The following VPS13C variants were observed in gnomAD, a reference collection of about 807,000 sequenced individuals.
The protein encoded by VPS13C is intermembrane lipid transfer protein VPS13C.
In VPS13C, 358 loss-of-function variants were observed where a neutral mutation model predicts 456.8. That is an observed-to-expected ratio of 0.78 (90% CI 0.72 to 0.86). VPS13C has a LOEUF of 0.86. Ranked by LOEUF, VPS13C falls within the 40% of genes least tolerant of loss-of-function variation. VPS13C has a pLI of 0.00. For synonymous variants in VPS13C, 1,578 were observed against 1,486.7 expected (o/e 1.06, Z -1.41); for missense variants, 4,818 against 4,385.4 (o/e 1.10, Z -2.79).
intron 47 of VPS13C, among the ~76,000 whole-genome samples, chr15:61,937,133 A>G (rs2044253142): frequency 1.3e-5 from 2 of 152,206 alleles, no homozygotes; most frequent in South Asian, 4.1e-4. Context: ...GAAACTAAAT[A>G]CAGGACGAGT....
chr15:61,978,502 CA>C (rs1340453147), intron 23 of VPS13C, 123 bp downstream of exon 23: 10 of 1,163,406 alleles, frequency 8.6e-6, no homozygotes, highest in Non-Finnish European at 1.2e-5. Context: ...TTTATTTAAG[CA>C]GCCAAAAGAA....
chr15:61,968,284 A>G (rs2045441148), intron 28 of VPS13C, among the ~76,000 whole-genome samples: 2 of 151,910 alleles, frequency 1.3e-5, no homozygotes, highest in African/African-American at 4.8e-5. Context: ...AAAAAAAATT[A>G]AAAACAATAA....
rs1445703810 is a variant in VPS13C at position 61,936,639 on chromosome 15, C to T, written c.5713G>A (p.Val1905Met). The change falls in exon 48 of 85, where the codon GTG (valine) becomes ATG (methionine). Residue 1905 changes from valine (V) to methionine (M), a missense_variant. Physicochemically the swap from Val to Met is conservative, Grantham distance 21. Transcript: ENST00000644861. ...PTQSVQETVR[V>M]RKVDVSSVPD... is the part of the protein sequence containing the mutation. ...ACACTTGAAACATCAACTTTTCTCA[C>T]TCTTACAGTCTCCTGCACAGACTGT... is the stretch of plus-strand genomic sequence containing the variant. The T allele has an allele frequency of 1.3e-6, 2 of 1,595,914 alleles. No homozygotes were observed. The highest frequency in any genetic ancestry group is 2.7e-5 in the African/African-American group (2 of 73,930).
chr15:61,979,990 C>T (rs1376439187), intron 22 of VPS13C, among the ~76,000 whole-genome samples: 1 of 151,578 alleles, frequency 6.6e-6, no homozygotes, highest in Non-Finnish European at 1.5e-5. Flanking sequence ...TCGAGACCAG[C>T]CAGGCCAACA....
intron 43 of VPS13C, among the ~76,000 whole-genome samples, chr15:61,946,663 A>C (rs1596367128): frequency 6.7e-6 from 1 of 150,288 alleles, no homozygotes; most frequent in East Asian, 1.9e-4. Context: ...AAAAAAACCC[A>C]CCAAGTTTCA....
Position 62,010,474 on chromosome 15 carries a change from G to A in VPS13C, c.1009C>T (p.Gln337Ter), listed in dbSNP as rs760175192. Residue 337 changes from glutamine to a stop codon, truncating the protein, a stop_gained and splice_region_variant, in exon 13 of 85, where the codon CAG becomes TAG. Coordinates refer to ENST00000644861, the MANE Select transcript of VPS13C (RefSeq NM_020821.3). LOFTEE classifies it high-confidence loss of function. ...GGAAATATCCACATGAATCATACCT[G>A]AGGTTTGGTCAGTTCAATGGCAATA... ...QNIAIELTKPQYLSMIDLLES... is the reference protein window; with the variant it reads ...QNIAIELTKP The A allele has an allele frequency of 6.2e-7, 1 of 1,601,972 alleles. No individual in the cohort carries two copies. Among genetic ancestry groups the A allele is most frequent in the East Asian group, 2.3e-5 (1 of 44,236 alleles).
chr15:62,044,954 C>T lies in VPS13C; in HGVS notation c.101-699G>A, dbSNP rs140945258. ...CTATAGTTTCAACATTAAATGCAGG[C>T]GTAAATTACTGTAATATATTTTCTT... On this transcript the variant is annotated intron_variant, in intron 1 of 84. Coordinates refer to ENST00000644861, the MANE Select transcript of VPS13C (RefSeq NM_020821.3). Among the ~76,000 whole-genome samples, 417 of 152,094 alleles carry T rather than the reference C, an allele frequency of 2.7e-3. 3 individuals are homozygous for T. The highest frequency in any genetic ancestry group is 3.6e-3 in the Non-Finnish European group (243 of 67,938).
intron 9 of VPS13C, among the ~76,000 whole-genome samples, chr15:62,016,505 A>C (rs887737611): frequency 4.2e-5 from 6 of 143,080 alleles, no homozygotes; most frequent in Non-Finnish European, 7.5e-5. Flanking sequence ...CCCACCTATG[A>C]GTGAGAACAT....
chr15:61,920,397 C>T, intron 56 of VPS13C, 66 bp from the exon 57 acceptor site: 1 of 1,497,070 alleles, frequency 6.7e-7, no homozygotes, highest in Non-Finnish European at 8.9e-7. Context: ...AAACCTATAC[C>T]ATAATTACAC....
chr15:62,030,539 T>C (rs997727870), intron 5 of VPS13C, among the ~76,000 whole-genome samples: 2 of 152,154 alleles, frequency 1.3e-5, no homozygotes, highest in Non-Finnish European at 2.9e-5. Context: ...CTTCATAAAT[T>C]ACCCAGTCTC....
rs182074756 is a variant in VPS13C at position 62,001,668 on chromosome 15, C to T, written c.1291-1042G>A. ...ATATCTCCCAATGCTATCCCTCCCCCTCCCCACAACCCACAACAGTCCCCA... is the reference window on the plus strand; with the variant it reads ...ATATCTCCCAATGCTATCCCTCCCCTTCCCCACAACCCACAACAGTCCCCA... On this transcript the variant is annotated intron_variant, in intron 15 of 84. Coordinates refer to ENST00000644861, the MANE Select transcript of VPS13C (RefSeq NM_020821.3). Among the ~76,000 whole-genome samples, 3 of 152,300 alleles carry T rather than the reference C, an allele frequency of 2.0e-5. No individual in the cohort carries two copies. In the East Asian group the frequency reaches 5.8e-4, roughly 29 times the overall value.
Position 61,882,674 on chromosome 15 carries a change from G to T in VPS13C, c.9546C>A (p.Asp3182Glu). 6.3e-7 allele frequency: 1 copy of T among 1,599,350 alleles called. No individual in the cohort carries two copies. Among genetic ancestry groups the T allele is most frequent in the South Asian group, 1.1e-5 (1 of 87,424 alleles). ...ATTCAATCTGAATTCCTGATAAAAA[G>T]TCTCGTTTAATAGGGCTACGAATAG... Reference protein sequence around the residue: ...RLPIRSPIKRDFLSGIQIEFK... With the variant: ...RLPIRSPIKREFLSGIQIEFK... Residue 3182 changes from aspartate (D) to glutamate (E), a missense_variant, in exon 69 of 85, where the codon GAC (aspartate) becomes GAA (glutamate). Physicochemically the swap from Asp to Glu is conservative, Grantham distance 45. Coordinates refer to ENST00000644861, the MANE Select transcript of VPS13C (RefSeq NM_020821.3).
At chr15:61,939,985 C>T (rs1047766489) in intron 47 of VPS13C, among the ~76,000 whole-genome samples, 1 of 148,750 alleles carries the variant, frequency 6.7e-6, no homozygotes, top group Admixed American at 6.7e-5. Flanking sequence ...CAGAGCAAGA[C>T]TCCGTCTCAA....
rs1895653142 is a variant in VPS13C at position 61,878,853 on chromosome 15, T to C, written c.10003-107A>G. ...ACCAAAAAAAGTCTTTCGATTAGAG[T>C]CCTAGTGAAAGCTATTATTTGATAC... On this transcript the variant is annotated intron_variant, in intron 73 of 84. Transcript: ENST00000644861. 5.0e-6 allele frequency: 6 copies of C among 1,193,968 alleles called. No homozygotes were observed. In the East Asian group the frequency reaches 1.5e-4, roughly 31 times the overall value. The allele number at this position is 1,193,968 out of a possible 1,614,324, so 74.0% of individuals were successfully genotyped here.
At chr15:61,960,961 G>A (rs1311142524) in intron 35 of VPS13C, among the ~76,000 whole-genome samples, 1 of 151,452 alleles carries the variant, frequency 6.6e-6, no homozygotes, top group African/African-American at 2.4e-5. Flanking sequence ...CGTGCCTATA[G>A]TCCCAGTTAC....
chr15:62,007,375 T>C lies in VPS13C; in HGVS notation c.1223A>G (p.Tyr408Cys), dbSNP rs376219715. The part of the protein sequence containing the change: ...IKKHRQLLKS[Y>C]KIAYKNKLTQ... Reference sequence around the variant, plus strand: ...TAACTTGTTTTTGTAGGCAATTTTATAACTCTTGAGTAACTGCCTGTGCTT... The same window carrying C: ...TAACTTGTTTTTGTAGGCAATTTTACAACTCTTGAGTAACTGCCTGTGCTT... The change falls in exon 15 of 85, where the codon TAT becomes TGT. Residue 408 changes from tyrosine (Y) to cysteine (C), a missense_variant. Physicochemically the swap from Tyr to Cys is radical, Grantham distance 194. Coordinates refer to ENST00000644861, the MANE Select transcript of VPS13C (RefSeq NM_020821.3). 20 of 1,612,948 alleles carry C rather than the reference T, an allele frequency of 1.2e-5. No individual in the cohort carries two copies. Among genetic ancestry groups the C allele is most frequent in the Non-Finnish European group, 1.7e-5 (20 of 1,179,542 alleles).
At chr15:61,964,914 A>G in intron 30 of VPS13C, 53 bp from the exon 31 acceptor site, 1 of 1,537,576 alleles carries the variant, frequency 6.5e-7, no homozygotes, top group Non-Finnish European at 8.8e-7. Context: ...TATAACCTGT[A>G]GTCTCCACGA....
At chr15:61,962,719 A>G in intron 33 of VPS13C, 30 bp downstream of exon 33, 3 of 1,473,778 alleles carry the variant, frequency 2.0e-6, no homozygotes, top group East Asian at 4.6e-5. Context: ...GTCATTAAAG[A>G]ATATTAACTA....
At chr15:61,945,672 AT>A in intron 45 of VPS13C, 42 bp downstream of exon 45, 1 of 1,485,316 alleles carries the variant, frequency 6.7e-7, no homozygotes, top group Non-Finnish European at 9.0e-7. Flanking sequence ...AAGCAAAGAT[AT>A]TTAGGCCTCA....
Sources: allele counts gnomAD v4.1 joint callset (sites outside exome capture counted in the v4.1 genomes callset), GRCh38; gene constraint gnomAD v4.1.1; transcripts MANE v1.5; gene names NCBI Gene and HGNC (gene_info 2026-07-23, HGNC 2026-07-21).